Variants in NOTCH1 observed in about 807,000 individuals in gnomAD.
NOTCH1 encodes the protein neurogenic locus notch homolog protein 1.
In NOTCH1, 37 loss-of-function variants were observed where a neutral mutation model predicts 254.8. The observed-to-expected ratio is 0.15, with a 90% CI of 0.11 to 0.19. The LOEUF (loss-of-function observed/expected upper bound fraction) is 0.19. Among genes scored for constraint, NOTCH1 ranks in the 10% least tolerant of loss-of-function variants. The probability of loss-of-function intolerance (pLI) is 1.00; values close to 1 mark genes in which losing one functional copy is unlikely to be tolerated. For synonymous variants in NOTCH1, 1,731 were observed against 1,618.1 expected (o/e 1.07, Z -1.68); for missense variants, 2,972 against 3,708.6 (o/e 0.80, Z 5.16).
chr9:136,535,246 C>T (rs1388370130), intron 2 of NOTCH1, among the ~76,000 whole-genome samples: 3 of 151,866 alleles, frequency 2.0e-5, no homozygotes, highest in Non-Finnish European at 4.4e-5. Flanking sequence ...AGGGGCCAGG[C>T]CCCCAGGGTT....
Position 136,515,259 on chromosome 9 carries a change from G to A in NOTCH1, c.2014+31C>T, listed in dbSNP as rs2133362179. The A allele has an allele frequency of 1.9e-6, 3 of 1,592,584 alleles. No individual in the cohort carries two copies. The South Asian group carries it at 3.3e-5, about 18-fold the overall frequency. ...GCTGACCTTGACCTCTGAGCACAGT[G>A]CAGTCAGCCCCCACGTGCAGGGCCG... On this transcript the variant is annotated intron_variant, in intron 12 of 33. Transcript: ENST00000651671.
At chr9:136,500,121 T>G (rs4880054) in intron 31 of NOTCH1, among the ~76,000 whole-genome samples, 72,514 of 152,122 alleles carry the variant, frequency 0.48, 17,963 homozygotes, top group East Asian at 0.89. Context: ...AGCTGAGCCC[T>G]AGGTCTGCAG....
intron 12 of NOTCH1, 85 bp from the exon 13 acceptor site, chr9:136,514,787 C>A (rs113429760): frequency 8.1e-6 from 11 of 1,361,576 alleles, no homozygotes; most frequent in East Asian, 2.4e-5. Context: ...TCTGTTGAGC[C>A]GGGGCGATCA....
rs752546013 is a variant in NOTCH1 at position 136,540,395 on chromosome 9, G to C, written c.140+3629C>G. 6.6e-6 allele frequency among the ~76,000 whole-genome samples: 1 copy of C among 151,986 alleles called. No individual in the cohort carries two copies. Among genetic ancestry groups the C allele is most frequent in the Non-Finnish European group, 1.5e-5 (1 of 67,954 alleles). ...CTGGGAGATGGACTTCCCCAGAGCC[G>C]GCAAGTCCCTCCCCAGGCAGTGCCA... On this transcript the variant is annotated intron_variant, in intron 2 of 33. Transcript: ENST00000651671. This position sits in a 1 kb window ranked among gnomAD's most constrained non-coding sequence, Gnocchi z 4.4.
At chr9:136,538,984 C>T (rs1843694434) in intron 2 of NOTCH1, among the ~76,000 whole-genome samples, 1 of 152,198 alleles carries the variant, frequency 6.6e-6, no homozygotes, top group Non-Finnish European at 1.5e-5. Flanking sequence ...TGGAACTGCC[C>T]AGTGGGCACC....
intron 2 of NOTCH1, among the ~76,000 whole-genome samples, chr9:136,536,611 C>T (rs1036071591): frequency 7.2e-5 from 11 of 152,240 alleles, no homozygotes; most frequent in Admixed American, 6.5e-4. Context: ...AGCTCCCTGC[C>T]GCTGACCCTG....
At position 136,499,032 on chromosome 9, in the gene NOTCH1, C is replaced by G. The variant is rs879329787; in HGVS notation, c.6083-36G>C. 4 of 1,612,584 alleles carry G rather than the reference C, an allele frequency of 2.5e-6. No individual in the cohort carries two copies. In the African/African-American group the frequency reaches 4.0e-5, roughly 16 times the overall value. On this transcript the variant is annotated intron_variant, in intron 32 of 33. Coordinates refer to ENST00000651671, the MANE Select transcript of NOTCH1 (RefSeq NM_017617.5). ...GAAGCAGATGGGGTAGGTTGGAGACCAGCTGGAGGCAACCCAGTCCCACCC... is the reference window on the plus strand; with the variant it reads ...GAAGCAGATGGGGTAGGTTGGAGACGAGCTGGAGGCAACCCAGTCCCACCC...
In NOTCH1 at chr9:136,517,284, C is replaced by T. The variant is rs749085650; in HGVS notation, c.1543G>A (p.Glu515Lys). 6 of 1,602,668 alleles carry T rather than the reference C, an allele frequency of 3.7e-6. No individual in the cohort carries two copies. Among genetic ancestry groups the T allele is most frequent in the East Asian group, 4.5e-5 (2 of 44,422 alleles). ...CLDKINEFQC[E>K]CPTGFTGHLC... Reference sequence around the variant, plus strand: ...GGGTGGCCCTCACCCGTGGGGCACTCGCACTGGAACTCATTGATCTTGTCC... The same window carrying T: ...GGGTGGCCCTCACCCGTGGGGCACTTGCACTGGAACTCATTGATCTTGTCC... The change falls in exon 9 of 34, where the codon GAG becomes AAG. Residue 515 changes from glutamate (E) to lysine (K), a missense_variant. This residue lies in a region of NOTCH1 where 128 missense variants were observed against 193.8 expected (regional missense o/e 0.66). Transcript: ENST00000651671.
At chr9:136,500,372 GC>G (rs1360240651) in intron 31 of NOTCH1, among the ~76,000 whole-genome samples, 179 bp downstream of exon 31, 1 of 152,234 alleles carries the variant, frequency 6.6e-6, no homozygotes, top group East Asian at 1.9e-4. Flanking sequence ...ACACAGATGG[GC>G]CCGACGCCCT....
intron 13 of NOTCH1, among the ~76,000 whole-genome samples, chr9:136,514,185 G>A (rs1388882184): frequency 6.6e-6 from 1 of 152,212 alleles, no homozygotes; most frequent in African/African-American, 2.4e-5. Context: ...GTCCCATCCA[G>A]GCAGAGTGCT....
At chr9:136,524,639 CTTTTTTTTTTT>C (rs869128901) in intron 2 of NOTCH1, among the ~76,000 whole-genome samples, 22 of 54,414 alleles carry the variant, frequency 4.0e-4, no homozygotes, top group Admixed American at 1.6e-3. Context: ...TTTTTCTTTT[CTTTTTTTTTTT>C]TTTTTTTTTT....
rs965096287 is a variant in NOTCH1, at chr9:136,511,387, G to A, written c.2468-116C>T. ...GTGCCGTCTGCTGGTCCCGCCGGGA[G>A]GCAAATGTGCACCGAGACCCCTGAG... On this transcript the variant is annotated intron_variant, in intron 15 of 33. Coordinates refer to ENST00000651671, the MANE Select transcript of NOTCH1 (RefSeq NM_017617.5). 5 of 1,371,940 alleles carry A rather than the reference G, an allele frequency of 3.6e-6. No homozygotes were observed. In the African/African-American group the frequency reaches 4.3e-5, roughly 12 times the overall value. The allele number at this position is 1,371,940 out of a possible 1,614,324, so 85.0% of individuals were successfully genotyped here.
Position 136,506,305 on chromosome 9 carries a change from G to T in NOTCH1, c.4014+222C>A, listed in dbSNP as rs546991888. ...CTAACCAGGGGAACTGCGTGCAGGG[G>T]ACAGCCACCCCAGGGAGTCTACTTC... On this transcript the variant is annotated intron_variant, in intron 24 of 33. Coordinates refer to ENST00000651671, the MANE Select transcript of NOTCH1 (RefSeq NM_017617.5). The surrounding 1 kb of genome is among the most constrained non-coding windows in gnomAD (Gnocchi z 4.5). Among the ~76,000 whole-genome samples, 1 of 152,108 alleles carries T rather than the reference G, an allele frequency of 6.6e-6. No individual in the cohort carries two copies. Among genetic ancestry groups the T allele is most frequent in the African/African-American group, 2.4e-5 (1 of 41,466 alleles).
chr9:136,519,299 C>T (rs1843328975), intron 5 of NOTCH1, 144 bp downstream of exon 5: 2 of 1,201,194 alleles, frequency 1.7e-6, no homozygotes. Flanking sequence ...GGGCCCCCAT[C>T]ATGTTGTCCT....
chr9:136,528,934 G>C (rs987938506), intron 2 of NOTCH1, among the ~76,000 whole-genome samples: 1 of 152,154 alleles, frequency 6.6e-6, no homozygotes, highest in African/African-American at 2.4e-5. Flanking sequence ...GCCTGAGGGT[G>C]CCCCTGCCCC....
Position 136,495,871 on chromosome 9 carries a change from C to A in NOTCH1, c.*200G>T. On this transcript the variant is annotated 3_prime_UTR_variant, in exon 34 of 34. Coordinates refer to ENST00000651671, the MANE Select transcript of NOTCH1 (RefSeq NM_017617.5). ...CTACCTGGGGCCAGATAAAACAGTA[C>A]ATATAAATAAAAAGGCAGTGTTTCT... is the stretch of plus-strand genomic sequence containing the variant. 3.3e-6 allele frequency: 2 copies of A among 612,308 alleles called. No individual in the cohort carries two copies. Among genetic ancestry groups the A allele is most frequent in the Non-Finnish European group, 5.5e-6 (2 of 365,068 alleles). 37.9% of individuals were successfully genotyped at this position (612,308 alleles called of 1,614,324 possible).
At chr9:136,501,976 G>A (rs2133329623) in intron 29 of NOTCH1, 25 bp downstream of exon 29, 5 of 1,611,992 alleles carry the variant, frequency 3.1e-6, no homozygotes, top group Non-Finnish European at 4.2e-6. Context: ...CGGGAGCCCA[G>A]GAGCCCGGGA....
Position 136,518,118 on chromosome 9 carries a change from C to A in NOTCH1, c.1255+19G>T, listed in dbSNP as rs1843307010. 1.3e-6 allele frequency: 2 copies of A among 1,575,554 alleles called. No homozygotes were observed. Among genetic ancestry groups the A allele is most frequent in the African/African-American group, 1.3e-5 (1 of 74,166 alleles). On this transcript the variant is annotated intron_variant, in intron 7 of 33. Coordinates refer to ENST00000651671, the MANE Select transcript of NOTCH1 (RefSeq NM_017617.5). ...GGCTGCCACCCCCACCTGGCCGCAC[C>A]CCCTGTGCTGGCACCTACCCAGCGA...
chr9:136,502,793 T>G, intron 27 of NOTCH1: 1 of 563,874 alleles, frequency 1.8e-6, no homozygotes. Flanking sequence ...GACAAAGGAT[T>G]TAGAGGGATT....
Sources: gnomAD v4.1 joint callset for allele counts (sites outside exome capture counted in the v4.1 genomes callset) on GRCh38, gnomAD v4.1.1 for gene constraint, gnomAD v4.1.1 regional missense constraint, Gnocchi (gnomAD v3.1) non-coding constraint, MANE v1.5 for transcripts, NCBI Gene and HGNC (gene_info 2026-07-23, HGNC 2026-07-21) for gene names.